Variants in ARHGAP8 observed in about 807,000 individuals in gnomAD.
ARHGAP8 encodes the protein Rho GTPase activating protein 8, also known as rho GTPase-activating protein 8.
In ARHGAP8, 62 loss-of-function variants were observed where a neutral mutation model predicts 46.1. That is an observed-to-expected ratio of 1.34 (90% CI 1.10 to 1.66). The LOEUF (loss-of-function observed/expected upper bound fraction) is 1.66. ARHGAP8 is among the 40% of genes most tolerant of loss of function. ARHGAP8 has a pLI of 0.00. For synonymous variants in ARHGAP8, 375 were observed against 243.1 expected, an observed-to-expected ratio of 1.54 and a Z score of -5.05; for missense variants, 923 against 568.4, an observed-to-expected ratio of 1.62 and a Z score of -6.34.
chr22:44,847,259 C>A (rs1203242223), intron 8 of ARHGAP8, among the ~76,000 whole-genome samples: 3 of 152,230 alleles, frequency 2.0e-5, no homozygotes, highest in Non-Finnish European at 4.4e-5. Flanking sequence ...CAGCTGCTTT[C>A]ATGAGCCAAT....
At chr22:44,845,130 C>CT (rs2069921603) in intron 7 of ARHGAP8, 139 bp from the exon 8 acceptor site, 1 of 978,908 alleles carries the variant, frequency 1.0e-6, no homozygotes, top group Non-Finnish European at 1.5e-6. Flanking sequence ...TTCCTGAGGG[C>CT]TGAGCCTACC....
Position 44,862,519 on chromosome 22 carries a change from C to A in ARHGAP8, c.1226C>A (p.Pro409Gln). The A allele has an allele frequency of 6.2e-7, 1 of 1,612,208 alleles. No homozygotes were observed. Among genetic ancestry groups the A allele is most frequent in the Non-Finnish European group, 8.5e-7 (1 of 1,178,580 alleles). ...GCAGCCCCTTTGCAGGAGGCTGTGCCACGGACACAAGCCACGGGCCTCACC... is the reference window on the plus strand; with the variant it reads ...GCAGCCCCTTTGCAGGAGGCTGTGCAACGGACACAAGCCACGGGCCTCACC... ...SRAAPLQEAV[P>Q]RTQATGLTKP... Residue 409 changes from proline (P) to glutamine (Q), a missense_variant, in exon 12 of 12, where the codon CCA becomes CAA. By Grantham distance (76) the Pro-to-Gln change is moderately conservative. Transcript: ENST00000356099.
intron 1 of ARHGAP8, among the ~76,000 whole-genome samples, chr22:44,753,832 C>G (rs891749612): frequency 6.6e-6 from 1 of 152,092 alleles, no homozygotes; most frequent in African/African-American, 2.4e-5. Context: ...AGCTCTGTGC[C>G]GTCCCTCGCT....
At chr22:44,792,780 G>C (rs1927786302) in intron 2 of ARHGAP8, among the ~76,000 whole-genome samples, 1 of 149,032 alleles carries the variant, frequency 6.7e-6, no homozygotes, top group Non-Finnish European at 1.5e-5. Context: ...GTAGAATTTT[G>C]ACACTAACGA....
In ARHGAP8 at chr22:44,814,893, C is replaced by T. The variant is rs950542718; in HGVS notation, c.386+135C>T. On this transcript the variant is annotated intron_variant, in intron 5 of 11. Transcript: ENST00000356099. ...GCCTGTGTATCTGGGGCTCCCTACC[C>T]GCCCTGGGGTCTGCGGGGGGTCACA... 1.7e-5 allele frequency: 17 copies of T among 1,023,992 alleles called. No homozygotes were observed. In the Admixed American group the frequency reaches 1.8e-4, roughly 11 times the overall value. The allele number at this position is 1,023,992 out of a possible 1,614,324, so 63.4% of individuals were successfully genotyped here. A position where few individuals can be genotyped will look rare whatever the true frequency, so the allele number is the denominator to read the frequency against.
chr22:44,833,784 T>A (rs1033394012), intron 7 of ARHGAP8, among the ~76,000 whole-genome samples: 7 of 152,200 alleles, frequency 4.6e-5, no homozygotes, highest in Admixed American at 4.6e-4. Flanking sequence ...CATCTGATCT[T>A]AGGCTTTACT....
At chr22:44,758,119 C>A (rs132446) in intron 1 of ARHGAP8, among the ~76,000 whole-genome samples, 1 of 152,164 alleles carries the variant, frequency 6.6e-6, no homozygotes, top group East Asian at 1.9e-4. Flanking sequence ...GGGCAGGTCT[C>A]TTTAGCCTGG....
At chr22:44,781,430 C>G (rs965549759) in intron 1 of ARHGAP8, among the ~76,000 whole-genome samples, 1 of 152,172 alleles carries the variant, frequency 6.6e-6, no homozygotes, top group South Asian at 2.1e-4. Context: ...GTCCCTTGAC[C>G]TGCCTCATCC....
chr22:44,860,604 T>C (rs2070428668), intron 11 of ARHGAP8, among the ~76,000 whole-genome samples: 1 of 150,024 alleles, frequency 6.7e-6, no homozygotes, highest in South Asian at 2.1e-4. Flanking sequence ...AGATTCTCTG[T>C]GGTCTATCTT....
At chr22:44,846,017 C>CA (rs796596956) in intron 8 of ARHGAP8, among the ~76,000 whole-genome samples, 7 of 152,226 alleles carry the variant, frequency 4.6e-5, no homozygotes, top group African/African-American at 1.7e-4. Context: ...GAGTGCCCCC[C>CA]CCCATCCCCA....
At chr22:44,786,237 C>T in intron 1 of ARHGAP8, 2 of 641,078 alleles carry the variant, frequency 3.1e-6, no homozygotes, top group South Asian at 3.9e-5. Context: ...ATAATGGGTG[C>T]TCGGCTGAGG....
intron 5 of ARHGAP8, among the ~76,000 whole-genome samples, chr22:44,815,397 C>G (rs1245285319): frequency 6.6e-6 from 1 of 151,416 alleles, no homozygotes; most frequent in Admixed American, 6.6e-5. Context: ...ACAAATAAAA[C>G]CCACCCAAGG....
intron 4 of ARHGAP8, chr22:44,809,635 C>G (rs1929197345): frequency 5.7e-6 from 1 of 174,226 alleles, no homozygotes; most frequent in East Asian, 1.6e-4. Flanking sequence ...CCACCCAACG[C>G]TACTCACCGC....
At position 44,824,086 on chromosome 22, in the gene ARHGAP8, C is replaced by T. The variant is rs529860326; in HGVS notation, c.486-1397C>T. On this transcript the variant is annotated intron_variant, in intron 6 of 11. Transcript: ENST00000356099. The stretch of plus-strand genomic sequence containing the variant: ...GATTTTCTCCACCCCCACATACTTC[C>T]TGGTGGGTGCTGCGAGCACCAGAGG... Among the ~76,000 whole-genome samples the T allele has an allele frequency of 3.9e-4, 60 of 152,276 alleles. 1 individual carries two copies. Among genetic ancestry groups the T allele is most frequent in the Admixed American group, 2.0e-3 (30 of 15,296 alleles).
chr22:44,753,875 G>A (rs1924454227), intron 1 of ARHGAP8, among the ~76,000 whole-genome samples: 1 of 152,224 alleles, frequency 6.6e-6, no homozygotes, highest in South Asian at 2.1e-4. Flanking sequence ...CATTTGTCCA[G>A]CTGAGAACTC....
At chr22:44,813,947 G>A (rs1248839618) in intron 4 of ARHGAP8, among the ~76,000 whole-genome samples, 1 of 152,134 alleles carries the variant, frequency 6.6e-6, no homozygotes, top group Non-Finnish European at 1.5e-5. Context: ...CGTCCTGCAG[G>A]CTGACCCCAC....
intron 11 of ARHGAP8, 97 bp from the exon 12 acceptor site, chr22:44,862,178 C>G: frequency 1.4e-6 from 2 of 1,443,646 alleles, no homozygotes; most frequent in South Asian, 1.4e-5. Context: ...GTGCTCCTCT[C>G]ACTACACCTA....
At chr22:44,754,918 G>A (rs1333253706) in intron 1 of ARHGAP8, among the ~76,000 whole-genome samples, 1 of 152,178 alleles carries the variant, frequency 6.6e-6, no homozygotes, top group Non-Finnish European at 1.5e-5. Flanking sequence ...GGCACAGGCA[G>A]CATGAGGGTG....
chr22:44,773,639 A>G (rs922512370), intron 1 of ARHGAP8, among the ~76,000 whole-genome samples: 10 of 152,138 alleles, frequency 6.6e-5, no homozygotes, highest in African/African-American at 2.4e-4. Flanking sequence ...CTGGGATGCA[A>G]TGACATGATC....
Sources: allele counts gnomAD v4.1 joint callset (sites outside exome capture counted in the v4.1 genomes callset), GRCh38; gene constraint gnomAD v4.1.1; transcripts MANE v1.5; gene names NCBI Gene and HGNC (gene_info 2026-07-23, HGNC 2026-07-21).